Variants in RARB observed in about 807,000 individuals in gnomAD.
RARB encodes the protein retinoic acid receptor beta.
RARB carries 17 observed loss-of-function variants against 51.9 expected under a neutral mutation model. That is an observed-to-expected ratio of 0.33 (90% CI 0.22 to 0.49). The LOEUF (loss-of-function observed/expected upper bound fraction) is 0.49. Ranked by LOEUF, RARB falls within the 20% of genes least tolerant of loss-of-function variation. RARB has a pLI of 0.99. For synonymous variants in RARB, 215 were observed against 195.4 expected, an observed-to-expected ratio of 1.10 and a Z score of -0.84; for missense variants, 369 against 550.8, an observed-to-expected ratio of 0.67 and a Z score of 3.30.
At chr3:25,131,456 T>G (rs1388372614) in intron 3 of RARB, among the ~76,000 whole-genome samples, 1 of 152,052 alleles carries the variant, frequency 6.6e-6, no homozygotes, top group African/African-American at 2.4e-5. Context: ...ATAGTCGTAT[T>G]GTTTGTGAAA....
intron 2 of RARB, among the ~76,000 whole-genome samples, chr3:24,928,654 C>CTT (rs1198748346): frequency 2.0e-5 from 3 of 151,964 alleles, no homozygotes; most frequent in Non-Finnish European, 4.4e-5. Context: ...TCTGCTTATG[C>CTT]TTTTCAAGGT....
chr3:24,964,239 C>T (rs1193280153), intron 2 of RARB, among the ~76,000 whole-genome samples: 1 of 151,732 alleles, frequency 6.6e-6, no homozygotes, highest in African/African-American at 2.4e-5. Context: ...TATATAAAGG[C>T]TATTTCTATA....
chr3:25,207,382 C>G (rs1428138185), intron 5 of RARB, among the ~76,000 whole-genome samples: 1 of 152,148 alleles, frequency 6.6e-6, no homozygotes, highest in Non-Finnish European at 1.5e-5. Flanking sequence ...CTGCTTTTCC[C>G]AAGGAAACAC....
At chr3:25,390,653 C>T (rs902817385) in intron 5 of RARB, among the ~76,000 whole-genome samples, 2 of 152,144 alleles carry the variant, frequency 1.3e-5, no homozygotes, top group African/African-American at 4.8e-5. Context: ...TAACCAAATG[C>T]ATATCCTATC....
chr3:25,135,606 G>A (rs1202198297), intron 4 of RARB, among the ~76,000 whole-genome samples: 1 of 151,956 alleles, frequency 6.6e-6, no homozygotes, highest in Non-Finnish European at 1.5e-5. Flanking sequence ...ACAGTTGCGT[G>A]CAACATAGCC....
intron 2 of RARB, among the ~76,000 whole-genome samples, chr3:24,970,838 T>G (rs1035320090): frequency 2.0e-5 from 3 of 152,026 alleles, no homozygotes; most frequent in Admixed American, 1.3e-4. Flanking sequence ...TTCCAAGTCA[T>G]GAGAATAGAA....
intron 3 of RARB, among the ~76,000 whole-genome samples, chr3:25,128,879 A>G (rs998418581): frequency 4.6e-5 from 7 of 152,168 alleles, no homozygotes; most frequent in African/African-American, 1.4e-4. Flanking sequence ...GTGAATCAAT[A>G]GAAAATTAGA....
intron 2 of RARB, among the ~76,000 whole-genome samples, chr3:25,028,035 A>G (rs1412292096): frequency 2.0e-5 from 3 of 152,188 alleles, no homozygotes; most frequent in Non-Finnish European, 4.4e-5. Context: ...CGATCTTGAA[A>G]TGGTTCTAGT....
intron 2 of RARB, among the ~76,000 whole-genome samples, chr3:25,481,302 T>A (rs1242967403): frequency 6.6e-6 from 1 of 152,214 alleles, no homozygotes. Context: ...AAAATAAACA[T>A]GTCTGTTAGC....
At chr3:25,331,535 G>C (rs1358105105) in intron 5 of RARB, among the ~76,000 whole-genome samples, 1 of 152,158 alleles carries the variant, frequency 6.6e-6, no homozygotes, top group African/African-American at 2.4e-5. Context: ...AGTGTGTAGA[G>C]AGAAATTTAT....
intron 1 of RARB, among the ~76,000 whole-genome samples, chr3:24,853,138 C>T (rs190589185): frequency 1.3e-3 from 189 of 150,422 alleles, no homozygotes; most frequent in African/African-American, 4.4e-3. Context: ...CACGGTGAAA[C>T]CCTGTCTTTA....
chr3:24,902,669 T>C (rs1466688541), intron 2 of RARB, among the ~76,000 whole-genome samples: 1 of 148,222 alleles, frequency 6.7e-6, no homozygotes, highest in Non-Finnish European at 1.5e-5. Context: ...CTGTCTCTCT[T>C]TCTGTTTCTC....
At position 25,569,762 on chromosome 3, in the gene RARB, C is replaced by T. The variant is rs1481435965; in HGVS notation, c.453C>T (p.Val151=). 6.2e-7 allele frequency: 1 copy of T among 1,613,344 alleles called. No homozygotes were observed. Among genetic ancestry groups the T allele is most frequent in the Admixed American group, 1.7e-5 (1 of 59,918 alleles). ...TGCCTTCTCTCTCGTTTCCAGCTGTCAGGAATGACAGGAACAAGAAAAAGA... is the reference window on the plus strand; with the variant it reads ...TGCCTTCTCTCTCGTTTCCAGCTGTTAGGAATGACAGGAACAAGAAAAAGA... ...CFEVGMSKES[V]RNDRNKKKKE... The change falls in exon 4 of 8, where the codon GTC becomes GTT. Residue 151 remains valine, a synonymous_variant. Coordinates refer to ENST00000330688, the MANE Select transcript of RARB (RefSeq NM_000965.5).
intron 5 of RARB, among the ~76,000 whole-genome samples, chr3:25,371,254 C>T (rs1423466113): frequency 1.3e-5 from 2 of 152,042 alleles, no homozygotes. Context: ...AATAATAATA[C>T]CATTATTTAG....
At position 25,547,952 on chromosome 3, in the gene RARB, G is replaced by C. The variant is rs995574747; in HGVS notation, c.449-21806G>C. Among the ~76,000 whole-genome samples the C allele has an allele frequency of 2.6e-5, 4 of 152,244 alleles. No individual in the cohort carries two copies. In the South Asian group the frequency reaches 8.3e-4, roughly 32 times the overall value. ...ATATAAAAACCCCTCATTTCTGTTG[G>C]AAGTAAGTAAAGAGACACATTGTGA... On this transcript the variant is annotated intron_variant, in intron 3 of 7. Coordinates refer to ENST00000330688, the MANE Select transcript of RARB (RefSeq NM_000965.5).
chr3:25,072,957 G>C (rs1389592126), intron 3 of RARB, among the ~76,000 whole-genome samples: 2 of 152,006 alleles, frequency 1.3e-5, no homozygotes, highest in African/African-American at 4.8e-5. Flanking sequence ...CTCGGACTCC[G>C]AAAGTGCTGG....
At chr3:25,119,286 G>C (rs182327735) in intron 3 of RARB, among the ~76,000 whole-genome samples, 252 of 152,198 alleles carry the variant, frequency 1.7e-3, no homozygotes, top group Non-Finnish European at 2.8e-3. Context: ...TGAGGGGTCG[G>C]TGGTAAGGAG....
At chr3:25,564,639 T>C (rs907004514) in intron 3 of RARB, among the ~76,000 whole-genome samples, 10 of 152,182 alleles carry the variant, frequency 6.6e-5, no homozygotes, top group African/African-American at 1.9e-4. Context: ...CAAAACAGTT[T>C]TGAGGCCCCC....
chr3:24,929,752 G>A (rs1024391009), intron 2 of RARB, among the ~76,000 whole-genome samples: 18 of 152,086 alleles, frequency 1.2e-4, no homozygotes, highest in African/African-American at 4.3e-4. Context: ...AGGGAGCAGA[G>A]ATTCCCAGCT....
Sources: gnomAD v4.1 joint callset for allele counts (sites outside exome capture counted in the v4.1 genomes callset) on GRCh38, gnomAD v4.1.1 for gene constraint, MANE v1.5 for transcripts, NCBI Gene and HGNC (gene_info 2026-07-23, HGNC 2026-07-21) for gene names.